IL7: variants seen among roughly 807,000 people sequenced by gnomAD.
IL7 encodes the protein interleukin-7.
Under a neutral mutation model 21.6 loss-of-function variants are expected in IL7, and 3 were observed. That is an observed-to-expected ratio of 0.14 (90% CI 0.06 to 0.36). The LOEUF is 0.36. IL7 is among the 10% of genes least tolerant of loss of function. IL7 has a pLI of 1.00. For missense variants in IL7, 175 were observed against 200.2 expected, an observed-to-expected ratio of 0.87 and a Z score of 0.76; for synonymous variants, 62 against 68.1, an observed-to-expected ratio of 0.91 and a Z score of 0.44.
rs188893638 is a variant in IL7 at position 78,764,642 on chromosome 8, T to C, written c.148-24560A>G. On this transcript the variant is annotated intron_variant, in intron 2 of 5. Coordinates refer to ENST00000263851, the MANE Select transcript of IL7 (RefSeq NM_000880.4). Reference sequence around the variant, plus strand: ...TAAAAAAAAATGTCCAAAATACATATGAGGAAAACTACAAAACTCTGATAA... The same window carrying C: ...TAAAAAAAAATGTCCAAAATACATACGAGGAAAACTACAAAACTCTGATAA... 2.5e-3 allele frequency among the ~76,000 whole-genome samples: 373 copies of C among 151,708 alleles called. 2 individuals carry two copies. The highest frequency in any genetic ancestry group is 8.4e-3 in the African/African-American group (348 of 41,410).
chr8:78,676,254 T>G (rs1238718767), intron 4 of IL7: 1 of 154,644 alleles, frequency 6.5e-6, no homozygotes, highest in Non-Finnish European at 1.4e-5. Context: ...ACAAAATAGC[T>G]AAAATGTTGG....
chr8:78,730,961 G>A (rs566227443), downstream of IL7, among the ~76,000 whole-genome samples: 48 of 152,024 alleles, frequency 3.2e-4, 1 homozygote, highest in South Asian at 3.5e-3. Context: ...CTTAAGCAGG[G>A]TTGGCGTAGA....
intron 3 of IL7, among the ~76,000 whole-genome samples, chr8:78,709,871 A>T (rs183502882): frequency 6.6e-4 from 100 of 152,338 alleles, no homozygotes; most frequent in African/African-American, 2.1e-3. Context: ...GTGTGCAAAG[A>T]TACAAAATAC....
Position 78,736,523 on chromosome 8 carries a change from T to A in IL7, c.365A>T (p.Lys122Ile). Residue 122 changes from lysine (K) to isoleucine (I), a missense_variant, in exon 5 of 6, where the codon AAA (lysine) becomes ATA (isoleucine). Coordinates refer to ENST00000263851, the MANE Select transcript of IL7 (RefSeq NM_000880.4). ...TILLNCTGQV[K>I]GRKPAALGEA... ...ACCCAGGGCAGCTGGTTTTCTTCCT[T>A]TAACCTTAAAAACAAAGTCACATTT... 6.3e-7 allele frequency: 1 copy of A among 1,594,836 alleles called. No individual in the cohort carries two copies. Among genetic ancestry groups the A allele is most frequent in the Non-Finnish European group, 8.6e-7 (1 of 1,165,856 alleles).
intron 2 of IL7, among the ~76,000 whole-genome samples, chr8:78,782,371 G>A (rs1191782529): frequency 6.6e-6 from 1 of 152,134 alleles, no homozygotes; most frequent in Non-Finnish European, 1.5e-5. Flanking sequence ...CTTTGAGGCT[G>A]CTGACCTTTG....
intron 4 of IL7, among the ~76,000 whole-genome samples, chr8:78,681,448 T>G (rs915671218): frequency 2.0e-5 from 3 of 152,092 alleles, no homozygotes; most frequent in Non-Finnish European, 2.9e-5. Flanking sequence ...TGTTAAAGAG[T>G]CAGTAATCTC....
intron 2 of IL7, among the ~76,000 whole-genome samples, chr8:78,764,125 A>G (rs1253002997): frequency 4.6e-5 from 7 of 152,160 alleles, no homozygotes; most frequent in African/African-American, 1.7e-4. Context: ...ATGCAGAAAA[A>G]GCATTTGACA....
At chr8:78,676,285 T>G (rs1024275401) in intron 4 of IL7, among the ~76,000 whole-genome samples, 2 of 151,960 alleles carry the variant, frequency 1.3e-5, no homozygotes, top group Non-Finnish European at 2.9e-5. Context: ...AGCTGGGTGA[T>G]GAGTAGTAAA....
chr8:78,689,508 A>T (rs1175465511), intron 3 of IL7: 2 of 778,026 alleles, frequency 2.6e-6, no homozygotes, highest in Non-Finnish European at 1.8e-6. Flanking sequence ...TTATATATCT[A>T]TAAAAGTTGT....
chr8:78,802,402 T>C (rs954967711), intron 1 of IL7, among the ~76,000 whole-genome samples: 43 of 152,176 alleles, frequency 2.8e-4, no homozygotes, highest in African/African-American at 1.0e-3. Flanking sequence ...AAGACAGTCA[T>C]GTAGGAAAAT....
intron 3 of IL7, among the ~76,000 whole-genome samples, chr8:78,709,887 G>A (rs759782167): frequency 2.4e-4 from 36 of 151,956 alleles, no homozygotes; most frequent in Admixed American, 1.0e-3. Context: ...AATACCATCC[G>A]GTAAATTCTT....
intron 2 of IL7, among the ~76,000 whole-genome samples, chr8:78,771,602 C>G (rs534645922): frequency 6.6e-6 from 1 of 152,170 alleles, no homozygotes; most frequent in East Asian, 1.9e-4. Context: ...AAATTCTAAG[C>G]CACAGTTGAA....
chr8:78,752,389 C>T (rs1373220850), intron 2 of IL7, among the ~76,000 whole-genome samples: 1 of 152,192 alleles, frequency 6.6e-6, no homozygotes, highest in African/African-American at 2.4e-5. Flanking sequence ...CACATTCCCA[C>T]CAACAATTCC....
chr8:78,675,630 C>A, downstream of IL7: 1 of 618,582 alleles, frequency 1.6e-6, no homozygotes, highest in Non-Finnish European at 2.7e-6. Flanking sequence ...AAGTATTATG[C>A]TCCTTTTCAT....
intron 3 of IL7, among the ~76,000 whole-genome samples, chr8:78,726,329 G>T (rs1345528884): frequency 6.6e-6 from 1 of 152,018 alleles, no homozygotes; most frequent in Non-Finnish European, 1.5e-5. Flanking sequence ...AGTATTTCAT[G>T]AAAAGGGTTA....
At chr8:78,703,428 T>C (rs1357321437) in intron 3 of IL7, among the ~76,000 whole-genome samples, 1 of 152,214 alleles carries the variant, frequency 6.6e-6, no homozygotes, top group African/African-American at 2.4e-5. Flanking sequence ...TGAAGGTCTC[T>C]AAGAACTTGG....
chr8:78,768,269 T>C (rs1160436538), intron 2 of IL7, among the ~76,000 whole-genome samples: 4 of 151,756 alleles, frequency 2.6e-5, no homozygotes, highest in African/African-American at 2.4e-5. Context: ...GATTTATAGT[T>C]CTTTGGGTAT....
chr8:78,697,488 G>T lies in IL7; in HGVS notation n.215-11541C>A, dbSNP rs201671046. ...TTCACGATTACCGCAGCCAAGTGGC[G>T]CTGGCAAAACTGTTGTAGGTAATGA... On this transcript the variant is annotated intron_variant and non_coding_transcript_variant, in intron 3 of 4. Coordinates refer to the IL7 transcript ENST00000523959. 3.7e-6 allele frequency: 6 copies of T among 1,607,510 alleles called. No individual in the cohort carries two copies. In the African/African-American group the frequency reaches 5.4e-5, roughly 14 times the overall value.
At chr8:78,738,047 ATTATT>A (rs1193341895) in intron 4 of IL7, among the ~76,000 whole-genome samples, 1 of 152,150 alleles carries the variant, frequency 6.6e-6, no homozygotes, top group Non-Finnish European at 1.5e-5. Flanking sequence ...TTGTATCAAA[ATTATT>A]TAAAGAAGGG....
Sources: gnomAD v4.1 joint callset for allele counts (sites outside exome capture counted in the v4.1 genomes callset) on GRCh38, gnomAD v4.1.1 for gene constraint, MANE v1.5 for transcripts, NCBI Gene and HGNC (gene_info 2026-07-23, HGNC 2026-07-21) for gene names.